The following FXYD5 variants were observed in gnomAD, a reference collection of about 807,000 sequenced individuals.
The protein encoded by FXYD5 is FXYD domain containing ion transport regulator 5, also known as FXYD domain-containing ion transport regulator 5.
Under a neutral mutation model 25.7 loss-of-function variants are expected in FXYD5, and 21 were observed. The observed-to-expected ratio is 0.82, with a 90% CI of 0.58 to 1.18. The LOEUF (loss-of-function observed/expected upper bound fraction) is 1.18, where lower values mean the gene tolerates loss of function less well. Ranked by LOEUF, FXYD5 falls within the 50% of genes most tolerant of loss-of-function variation. The pLI is 0.00. For missense variants in FXYD5, 229 were observed against 227.7 expected (o/e 1.01, Z -0.04); for synonymous variants, 101 against 90.7 (o/e 1.11, Z -0.64).
chr19:35,166,151 A>G lies in FXYD5; in HGVS notation c.392A>G (p.Glu131Gly). 3 of 1,613,938 alleles carry G rather than the reference A, an allele frequency of 1.9e-6. No homozygotes were observed. The highest frequency in any genetic ancestry group is 2.5e-6 in the Non-Finnish European group (3 of 1,179,956). Residue 131 changes from glutamate (E) to glycine (G), a missense_variant, in exon 7 of 9, where the codon GAG (glutamate) becomes GGG (glycine). By Grantham distance (98) the Glu-to-Gly change is moderately conservative. Transcript: ENST00000392219. ...TTGTCTGCCTCTCCAGGTTTTCATG[A>G]GGATGACCCCTTCTTCTATGGTAAG... ...PQTLKPSGFH[E>G]DDPFFYDEHT...
chr19:35,166,071 A>C, intron 6 of FXYD5, 71 bp from the exon 7 acceptor site: 3 of 1,450,844 alleles, frequency 2.1e-6, no homozygotes, highest in Non-Finnish European at 2.9e-6. Flanking sequence ...CCCTTTCCTG[A>C]CTTTGCCATT....
chr19:35,166,304 A>G lies in FXYD5; in HGVS notation c.466A>G (p.Thr156Ala), dbSNP rs1405049507. 6.3e-7 allele frequency: 1 copy of G among 1,594,422 alleles called. No homozygotes were observed. The highest frequency in any genetic ancestry group is 1.1e-5 in the South Asian group (1 of 88,060). The change falls in exon 8 of 9, where the codon ACA (threonine) becomes GCA (alanine). Residue 156 changes from threonine (T) to alanine (A), a missense_variant. Coordinates refer to ENST00000392219, the MANE Select transcript of FXYD5 (RefSeq NM_014164.6). ...GTTGGTCGCAGCTGTGCTGTTCATC[A>G]CAGGCATCATCATCCTCACCAGTGA... is the stretch of plus-strand genomic sequence containing the variant. ...GLLVAAVLFI[T>A]GIIILTSGKC...
chr19:35,167,741 C>T (rs1034157919), intron 8 of FXYD5, among the ~76,000 whole-genome samples: 1 of 152,094 alleles, frequency 6.6e-6, no homozygotes, highest in Non-Finnish European at 1.5e-5. Flanking sequence ...AATCATAAGA[C>T]ATGATTCCTG....
intron 2 of FXYD5, 31 bp from the exon 3 acceptor site, chr19:35,157,390 C>T (rs772514321): frequency 5.6e-6 from 7 of 1,251,930 alleles, no homozygotes; most frequent in Non-Finnish European, 4.7e-6. Context: ...GGACCAGGCT[C>T]CCTCCTGACT....
chr19:35,169,542 C>T (rs1158837351), intron 8 of FXYD5, 24 bp from the exon 9 acceptor site: 11 of 1,571,858 alleles, frequency 7.0e-6, no homozygotes, highest in South Asian at 1.1e-5. Flanking sequence ...TAGCTCGTGA[C>T]TGAATCATTT....
chr19:35,162,979 G>A (rs1388389724), intron 5 of FXYD5, among the ~76,000 whole-genome samples: 1 of 152,186 alleles, frequency 6.6e-6, no homozygotes, highest in Non-Finnish European at 1.5e-5. Flanking sequence ...GTCATTTGAT[G>A]CTTGTGATCA....
At chr19:35,168,840 A>T (rs2065473521) in intron 8 of FXYD5, among the ~76,000 whole-genome samples, 1 of 152,152 alleles carries the variant, frequency 6.6e-6, no homozygotes, top group African/African-American at 2.4e-5. Flanking sequence ...AGGCAGGTGG[A>T]TCCCTTGAGG....
chr19:35,167,792 G>C (rs949356118), intron 8 of FXYD5, among the ~76,000 whole-genome samples: 16 of 152,140 alleles, frequency 1.1e-4, no homozygotes, highest in African/African-American at 3.6e-4. Context: ...GTCAAGCACT[G>C]TTGCCTCGGT....
chr19:35,155,801 C>T (rs1185500476), intron 2 of FXYD5, among the ~76,000 whole-genome samples, 190 bp downstream of exon 2: 5 of 152,224 alleles, frequency 3.3e-5, no homozygotes, highest in East Asian at 1.9e-4. Flanking sequence ...ACCTCAGACC[C>T]GGGTGGCTGC....
At position 35,160,752 on chromosome 19, in the gene FXYD5, G is replaced by C. The variant is rs375715408; in HGVS notation, c.243G>C (p.Thr81=). The change falls in exon 5 of 9, where the codon ACG becomes ACC. Residue 81 remains threonine, a synonymous_variant. Coordinates refer to ENST00000392219, the MANE Select transcript of FXYD5 (RefSeq NM_014164.6). ...PQTQTQQLEG[T]DGPLVTDPET... ...CCCAGACCCAGCAACTGGAAGGAAC[G>C]GATGGGCCTCTAGTGACAGATCCAG... 6.2e-7 allele frequency: 1 copy of C among 1,613,654 alleles called. No individual in the cohort carries two copies. The highest frequency in any genetic ancestry group is 1.3e-5 in the African/African-American group (1 of 74,880).
At chr19:35,154,857 G>C (rs1447285844) in intron 1 of FXYD5, 48 bp downstream of exon 1, 1 of 153,492 alleles carries the variant, frequency 6.5e-6, no homozygotes, top group Non-Finnish European at 1.5e-5. Flanking sequence ...CTCTGCCCAC[G>C]GGCCGGGCTC....
Position 35,155,541 on chromosome 19 carries a change from G to C in FXYD5, c.1-10G>C, listed in dbSNP as rs1382116044. 1 of 1,608,270 alleles carries C rather than the reference G, an allele frequency of 6.2e-7. No individual in the cohort carries two copies. On this transcript the variant is annotated splice_polypyrimidine_tract_variant and intron_variant, in intron 1 of 8. Transcript: ENST00000392219. ...ATCATGGCTGACCCCAGCATCGCCT[G>C]GTCCCACAGATGTCGCCCTCTGGTC... is the stretch of plus-strand genomic sequence containing the variant.
chr19:35,166,197 G>A, intron 7 of FXYD5, 26 bp downstream of exon 7: 2 of 1,612,536 alleles, frequency 1.2e-6, no homozygotes, highest in Non-Finnish European at 1.7e-6. Flanking sequence ...GAAGATGTGG[G>A]GGAAGGAAAG....
intron 3 of FXYD5, 117 bp downstream of exon 3, chr19:35,157,618 G>T (rs762954285): frequency 4.8e-6 from 3 of 620,220 alleles, no homozygotes; most frequent in Non-Finnish European, 8.9e-6. Context: ...AAAAGTCCAG[G>T]TACAGACCTT....
In FXYD5 at chr19:35,155,160, G is replaced by T. The variant is rs554950731; in HGVS notation, c.-1+351G>T. 6.7e-5 allele frequency: 15 copies of T among 222,674 alleles called. No homozygotes were observed. In the East Asian group the frequency reaches 1.7e-3, roughly 26 times the overall value. The allele number at this position is 222,674 out of a possible 1,614,324, so 13.8% of individuals were successfully genotyped here. ...CCGACTCCCGGGCTCTGGGCCCCTG[G>T]GGGAGGGAAGAGGCCTCCTATCTAC... On this transcript the variant is annotated intron_variant, in intron 1 of 8. Transcript: ENST00000392219.
chr19:35,157,418 C>T lies in FXYD5; in HGVS notation c.62-3C>T. 6.4e-7 allele frequency: 1 copy of T among 1,557,160 alleles called. No individual in the cohort carries two copies. Among genetic ancestry groups the T allele is most frequent in the Non-Finnish European group, 8.9e-7 (1 of 1,128,618 alleles). On this transcript the variant is annotated splice_region_variant and splice_polypyrimidine_tract_variant and intron_variant, in intron 2 of 8. Transcript: ENST00000392219. ...TCCTGACTTCTCATCCTTGATTCCC[C>T]AGGACAGACGTTGAAAGATACCACG...
chr19:35,155,640 C>G (rs1241213739), intron 2 of FXYD5, 29 bp downstream of exon 2: 1 of 1,516,940 alleles, frequency 6.6e-7, no homozygotes, highest in Non-Finnish European at 9.1e-7. Flanking sequence ...CTCCACCCTG[C>G]CCCAGAGCCC....
At chr19:35,164,113 C>T in intron 5 of FXYD5, 43 bp from the exon 6 acceptor site, 1 of 1,613,938 alleles carries the variant, frequency 6.2e-7, no homozygotes, top group Non-Finnish European at 8.5e-7. Flanking sequence ...TTTCTGCCTC[C>T]ATGGCTCACT....
intron 8 of FXYD5, among the ~76,000 whole-genome samples, chr19:35,167,129 A>G (rs1032009531): frequency 3.3e-5 from 5 of 152,196 alleles, no homozygotes; most frequent in African/African-American, 1.2e-4. Context: ...AGCTGTGTTG[A>G]TCAGGGTCAT....
Sources: allele counts gnomAD v4.1 joint callset (sites outside exome capture counted in the v4.1 genomes callset), GRCh38; gene constraint gnomAD v4.1.1; transcripts MANE v1.5; gene names NCBI Gene and HGNC (gene_info 2026-07-23, HGNC 2026-07-21).